The following KCNQ1 variants were observed in gnomAD, a reference collection of about 807,000 sequenced individuals.
The protein encoded by KCNQ1 is potassium voltage-gated channel subfamily KQT member 1.
KCNQ1 carries 49 observed loss-of-function variants against 72.4 expected under a neutral mutation model. The ratio of observed to expected loss-of-function variants is 0.68; its 90% CI spans 0.54 to 0.86. The LOEUF (loss-of-function observed/expected upper bound fraction) is 0.86, where lower values mean the gene tolerates loss of function less well. Ranked by LOEUF, KCNQ1 falls within the 40% of genes least tolerant of loss-of-function variation. KCNQ1 has a pLI of 0.00. For synonymous variants in KCNQ1, 450 were observed against 412.6 expected (o/e 1.09, Z -1.10); for missense variants, 790 against 945.1 (o/e 0.84, Z 2.15).
chr11:2,835,813 C>T (rs1003815368), intron 15 of KCNQ1, among the ~76,000 whole-genome samples: 3 of 152,154 alleles, frequency 2.0e-5, no homozygotes, highest in African/African-American at 4.8e-5. Flanking sequence ...ATGGAGGCGG[C>T]GGGGCAGCGG....
At chr11:2,528,476 C>T (rs189086238) in intron 2 of KCNQ1, among the ~76,000 whole-genome samples, 5 of 152,330 alleles carry the variant, frequency 3.3e-5, no homozygotes, top group East Asian at 3.9e-4. Context: ...TTGGCCTGAG[C>T]GGTGTCTGTG....
At position 2,543,374 on chromosome 11, in the gene KCNQ1, G is replaced by A. The variant is rs142688132; in HGVS notation, c.477+15356G>A. Among the ~76,000 whole-genome samples the A allele has an allele frequency of 2.0e-5, 3 of 152,036 alleles. No homozygotes were observed. Among genetic ancestry groups the A allele is most frequent in the African/African-American group, 7.2e-5 (3 of 41,490 alleles). ...CTGCAACCTCGAATTCCTGGGCTCC[G>A]AGGATCCTCCCACCTCAGCCTCCCA... On this transcript the variant is annotated intron_variant, in intron 2 of 15. Transcript: ENST00000155840. The surrounding 1 kb of genome is among the most constrained non-coding windows in gnomAD (Gnocchi z 5.6).
chr11:2,702,023 G>T (rs1490051280), intron 11 of KCNQ1, among the ~76,000 whole-genome samples: 1 of 152,198 alleles, frequency 6.6e-6, no homozygotes, highest in Non-Finnish European at 1.5e-5. Flanking sequence ...TGCTGCTTGG[G>T]GTGCAGCTCA....
intron 10 of KCNQ1, chr11:2,633,346 T>C (rs1849395718): frequency 2.5e-6 from 1 of 398,444 alleles, no homozygotes; most frequent in East Asian, 3.6e-5. Flanking sequence ...TAGTTTATTA[T>C]TTCCTTTTAT....
chr11:2,692,005 A>G (rs568311932), intron 11 of KCNQ1: 8 of 398,570 alleles, frequency 2.0e-5, no homozygotes, highest in African/African-American at 1.6e-4. Context: ...CCTCAGCACC[A>G]AGGGCTTCCA....
chr11:2,793,812 C>T (rs1359951003), intron 15 of KCNQ1, among the ~76,000 whole-genome samples: 3 of 152,172 alleles, frequency 2.0e-5, no homozygotes, highest in African/African-American at 7.2e-5. Context: ...GGCCCCTGCT[C>T]CTTAGAATGT....
chr11:2,474,066 C>T (rs1846533875), intron 1 of KCNQ1, among the ~76,000 whole-genome samples: 1 of 152,230 alleles, frequency 6.6e-6, no homozygotes, highest in African/African-American at 2.4e-5. Context: ...GCCCAGTGGT[C>T]TCTCCACACA....
intron 10 of KCNQ1, chr11:2,630,353 A>T (rs1453844606): frequency 5.0e-6 from 2 of 398,166 alleles, no homozygotes; most frequent in African/African-American, 2.1e-5. Flanking sequence ...GTCATAAAAA[A>T]ATATCAGCCA....
rs113678955 is a variant in KCNQ1 at position 2,548,874 on chromosome 11, C to T, written c.477+20856C>T. Among the ~76,000 whole-genome samples, 1,019 of 152,298 alleles carry T rather than the reference C, an allele frequency of 6.7e-3. 4 individuals are homozygous for T. Among genetic ancestry groups the T allele is most frequent in the Non-Finnish European group, 0.01 (709 of 68,022 alleles). On this transcript the variant is annotated intron_variant, in intron 2 of 15. Coordinates refer to ENST00000155840, the MANE Select transcript of KCNQ1 (RefSeq NM_000218.3). ...TGTCTGAGGAGAAGTTCGCCATTGTCGACTTTGGGGTAAAGTGAGGACCTG... is the reference window on the plus strand; with the variant it reads ...TGTCTGAGGAGAAGTTCGCCATTGTTGACTTTGGGGTAAAGTGAGGACCTG...
In KCNQ1 at chr11:2,445,376, TC is replaced by T. The variant is rs780093053; in HGVS notation, c.279del (p.Tyr94ThrfsTer143). 1 of 1,597,682 alleles carries T rather than the reference TC, an allele frequency of 6.3e-7. No individual in the cohort carries two copies. Among genetic ancestry groups the T allele is most frequent in the Non-Finnish European group, 8.5e-7 (1 of 1,179,546 alleles). On this transcript the variant is annotated frameshift_variant, in exon 1 of 16. Coordinates refer to ENST00000155840, the MANE Select transcript of KCNQ1 (RefSeq NM_000218.3). LOFTEE classifies it high-confidence loss of function. Reference sequence around the variant, plus strand: ...GTGAGCCTAGACCCGCGCGTCTCCATCTACAGCACGCGCCGCCCGGTGTTGG... The same window carrying T: ...GTGAGCCTAGACCCGCGCGTCTCCATTACAGCACGCGCCGCCCGGTGTTGG... ...PPVSLDPRVS[I>X]YSTRRPVLAR...
rs1486329930 is a variant in KCNQ1 at position 2,764,075 on chromosome 11, C to A, written c.1515-4769C>A. ...AACATACCAGCTGGGACTTTCTGGACAATGTGAAATAGAAACGATAACATC... is the reference window on the plus strand; with the variant it reads ...AACATACCAGCTGGGACTTTCTGGAAAATGTGAAATAGAAACGATAACATC... On this transcript the variant is annotated intron_variant, in intron 11 of 15. Coordinates refer to ENST00000155840, the MANE Select transcript of KCNQ1 (RefSeq NM_000218.3). This position sits in a 1 kb window ranked among gnomAD's most constrained non-coding sequence, Gnocchi z 4.8. Among the ~76,000 whole-genome samples the A allele has an allele frequency of 6.6e-6, 1 of 152,086 alleles. No individual in the cohort carries two copies. Among genetic ancestry groups the A allele is most frequent in the Non-Finnish European group, 1.5e-5 (1 of 68,022 alleles).
At chr11:2,709,797 G>A (rs1225422166) in intron 11 of KCNQ1, among the ~76,000 whole-genome samples, 2 of 152,162 alleles carry the variant, frequency 1.3e-5, no homozygotes, top group African/African-American at 2.4e-5. Context: ...GTTCATTCAT[G>A]CTGTAGCATG....
chr11:2,640,654 T>C (rs879284071), intron 10 of KCNQ1: 1 of 398,178 alleles, frequency 2.5e-6, no homozygotes. Flanking sequence ...AGTCAGGGTA[T>C]CCATCACCCT....
Position 2,848,888 on chromosome 11 carries a change from AATC to A in KCNQ1, c.*887_*889del, listed in dbSNP as rs886048175. ...CCTTCTGGGCATTACATCGCATAGA[AATC>A]AATAATTTGTGGTGATTTGGATCTG... On this transcript the variant is annotated 3_prime_UTR_variant, in exon 16 of 16. Coordinates refer to ENST00000155840, the MANE Select transcript of KCNQ1 (RefSeq NM_000218.3). The A allele has an allele frequency of 2.9e-5, 13 of 454,042 alleles. No homozygotes were observed. Among genetic ancestry groups the A allele is most frequent in the Non-Finnish European group, 5.3e-5 (12 of 226,804 alleles). 28.1% of individuals were successfully genotyped at this position (454,042 alleles called of 1,614,324 possible).
At chr11:2,469,575 T>C (rs962968513) in intron 1 of KCNQ1, among the ~76,000 whole-genome samples, 15 of 151,600 alleles carry the variant, frequency 9.9e-5, no homozygotes, top group Non-Finnish European at 1.6e-4. Context: ...CCGGCCGAGA[T>C]GTTACATGTT....
chr11:2,741,669 C>G (rs1846052771), intron 11 of KCNQ1, among the ~76,000 whole-genome samples: 1 of 152,234 alleles, frequency 6.6e-6, no homozygotes, highest in South Asian at 2.1e-4. Flanking sequence ...CCACCACTGG[C>G]CTGCAATTAT....
At chr11:2,552,030 A>G (rs897162534) in intron 2 of KCNQ1, among the ~76,000 whole-genome samples, 10 of 152,100 alleles carry the variant, frequency 6.6e-5, no homozygotes, top group Non-Finnish European at 1.2e-4. Flanking sequence ...TCTCCCAGTC[A>G]TGGCTTTGTC....
rs401484 is a variant in KCNQ1, at chr11:2,824,485, G to T, written c.1795-23282G>T. 1.3e-5 allele frequency among the ~76,000 whole-genome samples: 2 copies of T among 152,292 alleles called. No individual in the cohort carries two copies. The highest frequency in any genetic ancestry group is 1.5e-5 in the Non-Finnish European group (1 of 68,020). ...GAGGAGGACACGCAGGGCCTGAAAG[G>T]TTCTGAGGTGTCCACGTGGAGGTGT... On this transcript the variant is annotated intron_variant, in intron 15 of 15. Coordinates refer to ENST00000155840, the MANE Select transcript of KCNQ1 (RefSeq NM_000218.3). This position sits in a 1 kb window ranked among gnomAD's most constrained non-coding sequence, Gnocchi z 5.9.
intron 11 of KCNQ1, among the ~76,000 whole-genome samples, chr11:2,753,259 C>T (rs1343944132): frequency 1.3e-5 from 2 of 152,164 alleles, no homozygotes; most frequent in Admixed American, 6.5e-5. Flanking sequence ...CGGAAAGCCC[C>T]TCCTGCCGCC....
Sources: allele counts gnomAD v4.1 joint callset (sites outside exome capture counted in the v4.1 genomes callset), GRCh38; gene constraint gnomAD v4.1.1; non-coding constraint Gnocchi (gnomAD v3.1); transcripts MANE v1.5; gene names NCBI Gene and HGNC (gene_info 2026-07-23, HGNC 2026-07-21).